The following MAPT variants were observed in gnomAD, a reference collection of about 807,000 sequenced individuals.
The protein encoded by MAPT is microtubule associated protein tau, also known as microtubule-associated protein tau.
A neutral mutation model predicts 67.9 loss-of-function variants in MAPT; 34 were observed. The observed-to-expected ratio is 0.50, with a 90% confidence interval of 0.38 to 0.67. The LOEUF (loss-of-function observed/expected upper bound fraction) is 0.67. Ranked by LOEUF, MAPT falls within the 30% of genes least tolerant of loss-of-function variation. The probability of loss-of-function intolerance (pLI) is 0.00; values close to 1 mark genes in which losing one functional copy is unlikely to be tolerated. For synonymous variants in MAPT, 456 were observed against 464.5 expected (o/e 0.98, Z 0.23); for missense variants, 881 against 1,115.2 (o/e 0.79, Z 2.99).
rs553543831 is a variant in MAPT at position 45,901,272 on chromosome 17, C to T, written c.-18+6586C>T. On this transcript the variant is annotated intron_variant, in intron 1 of 12. Coordinates refer to ENST00000262410, the MANE Select transcript of MAPT (RefSeq NM_001377265.1). Reference sequence around the variant, plus strand: ...ACCAGCCCAAACTGACCTGCCTTCCCGCCAGCCATCCCGGGCAGGGTGACC... The same window carrying T: ...ACCAGCCCAAACTGACCTGCCTTCCTGCCAGCCATCCCGGGCAGGGTGACC... 7.9e-5 allele frequency among the ~76,000 whole-genome samples: 12 copies of T among 152,312 alleles called. No individual in the cohort carries two copies. The South Asian group carries it at 1.0e-3, about 13-fold the overall frequency.
chr17:45,912,338 T>G (rs1272176876), intron 1 of MAPT, among the ~76,000 whole-genome samples: 4 of 152,222 alleles, frequency 2.6e-5, no homozygotes, highest in Admixed American at 2.6e-4. Context: ...GTGGTTAAAT[T>G]AAGGATTTTG....
At chr17:45,927,789 A>G (rs2066483675) in intron 1 of MAPT, among the ~76,000 whole-genome samples, 2 of 152,024 alleles carry the variant, frequency 1.3e-5, no homozygotes, top group Admixed American at 6.6e-5. Context: ...TCACAAGGTC[A>G]GGAGATCGAG....
intron 1 of MAPT, among the ~76,000 whole-genome samples, chr17:45,923,374 G>T (rs1294094800): frequency 6.6e-6 from 1 of 152,178 alleles, no homozygotes; most frequent in Non-Finnish European, 1.5e-5. Flanking sequence ...GGCTCCCAGA[G>T]GATCCCATAG....
intron 3 of MAPT, chr17:45,974,206 T>G: frequency 1.6e-6 from 1 of 637,734 alleles, no homozygotes; most frequent in East Asian, 2.7e-5. Flanking sequence ...AGCATGTCAG[T>G]GTGCTTCCTG....
At chr17:45,910,656 GC>G (rs2064710601) in intron 1 of MAPT, 1 of 142,388 alleles carries the variant, frequency 7.0e-6, no homozygotes, top group South Asian at 2.2e-4. Flanking sequence ...TCAACAGATG[GC>G]TTTTTCCTTA....
At chr17:45,974,239 G>C in intron 3 of MAPT, 1 of 686,346 alleles carries the variant, frequency 1.5e-6, no homozygotes, top group Non-Finnish European at 2.6e-6. Context: ...CAGGGGCTCC[G>C]GGCCCTACTT....
In MAPT at chr17:45,966,143, G is replaced by A. The variant is rs2071055380; in HGVS notation, c.133+3673G>A. 2.6e-5 allele frequency among the ~76,000 whole-genome samples: 4 copies of A among 152,328 alleles called. No individual in the cohort carries two copies. In the South Asian group the frequency reaches 8.3e-4, roughly 32 times the overall value. On this transcript the variant is annotated intron_variant, in intron 2 of 12. Transcript: ENST00000262410. The stretch of plus-strand genomic sequence containing the variant: ...GGCAGGGCAGCCTGGCTTAGAGTCA[G>A]TTTAAAATATGTATTATGCTGCAAC...
At chr17:45,941,106 G>A (rs1351327602) in intron 1 of MAPT, among the ~76,000 whole-genome samples, 1 of 152,188 alleles carries the variant, frequency 6.6e-6, no homozygotes, top group African/African-American at 2.4e-5. Context: ...AGAGGCTGAG[G>A]CCTGACCAAA....
Position 46,024,244 on chromosome 17 carries a change from C to T in MAPT, c.*73C>T. ...AGTGTGGAAAAAAAAAGAATAATGA[C>T]CCGGCCCCCGCCCTCTGCCCCCAGC... On this transcript the variant is annotated 3_prime_UTR_variant, in exon 13 of 13. Transcript: ENST00000262410. The T allele has an allele frequency of 7.4e-7, 1 of 1,346,174 alleles. No individual in the cohort carries two copies. Among genetic ancestry groups the T allele is most frequent in the South Asian group, 1.2e-5 (1 of 84,194 alleles). The allele number at this position is 1,346,174 out of a possible 1,614,324, so 83.4% of individuals were successfully genotyped here. A position where few individuals can be genotyped will look rare whatever the true frequency, so the allele number is the denominator to read the frequency against.
chr17:45,935,260 T>G (rs894580916), intron 1 of MAPT, among the ~76,000 whole-genome samples: 2 of 152,040 alleles, frequency 1.3e-5, no homozygotes, highest in Non-Finnish European at 1.5e-5. Context: ...CCACCCCAAC[T>G]GCTCTCTTCC....
intron 4 of MAPT, 31 bp downstream of exon 4, chr17:45,978,471 TG>T: frequency 1.0e-6 from 1 of 955,814 alleles, no homozygotes; most frequent in African/African-American, 1.7e-5. Context: ...TGCCATGACT[TG>T]GGGGTTGGGG....
intron 1 of MAPT, among the ~76,000 whole-genome samples, chr17:45,949,784 A>G (rs1057151926): frequency 1.6e-4 from 25 of 152,120 alleles, no homozygotes; most frequent in African/African-American, 6.0e-4. Flanking sequence ...ACCAAACTGT[A>G]CTGCCTTGAG....
At chr17:45,970,509 T>C (rs1014492266) in intron 2 of MAPT, among the ~76,000 whole-genome samples, 1 of 152,250 alleles carries the variant, frequency 6.6e-6, no homozygotes, top group Non-Finnish European at 1.5e-5. Context: ...AGCCCAGGGC[T>C]GCCCCCATAA....
In MAPT at chr17:46,009,459, G is replaced by A. The variant is rs765544579; in HGVS notation, c.1999-851G>A. Among the ~76,000 whole-genome samples the A allele has an allele frequency of 1.4e-4, 17 of 123,536 alleles. 4 individuals are homozygous for A. Among genetic ancestry groups the A allele is most frequent in the Middle Eastern group, 9.0e-3 (2 of 222 alleles). The allele number at this position is 123,536 out of a possible 152,430, so 81.0% of individuals were successfully genotyped here. ...GAAAGAACCTTCCAGAAATGCAGTC[G>A]TGGGAGACCCATCCAGGCCACCCCT... On this transcript the variant is annotated intron_variant, in intron 9 of 12. Coordinates refer to ENST00000262410, the MANE Select transcript of MAPT (RefSeq NM_001377265.1).
At chr17:45,907,290 T>G (rs2064384399) in intron 1 of MAPT, among the ~76,000 whole-genome samples, 1 of 152,084 alleles carries the variant, frequency 6.6e-6, no homozygotes, top group Non-Finnish European at 1.5e-5. Flanking sequence ...TGACCTGACC[T>G]TCCTCAGTGT....
Position 46,010,419 on chromosome 17 carries a change from G to T in MAPT, c.2091+17G>T, listed in dbSNP as rs762590440. On this transcript the variant is annotated intron_variant, in intron 10 of 12. Transcript: ENST00000262410. This position sits in a 1 kb window ranked among gnomAD's most constrained non-coding sequence, Gnocchi z 4.7. ...GGCGGCAGTGTGAGTACCTTCACACGTCCCATGCGCCGTGCTGTGGCTTGA... is the reference window on the plus strand; with the variant it reads ...GGCGGCAGTGTGAGTACCTTCACACTTCCCATGCGCCGTGCTGTGGCTTGA... The T allele has an allele frequency of 1.3e-6, 2 of 1,514,540 alleles. No individual in the cohort carries two copies. Among genetic ancestry groups the T allele is most frequent in the South Asian group, 2.4e-5 (2 of 83,756 alleles). 93.8% of individuals were successfully genotyped at this position (1,514,540 alleles called of 1,614,324 possible).
intron 8 of MAPT, among the ~76,000 whole-genome samples, chr17:45,994,675 T>A (rs55886080): frequency 0.14 from 21,995 of 151,858 alleles, 2,117 homozygotes; most frequent in Non-Finnish European, 0.22. Flanking sequence ...ACATTATTTT[T>A]AAAAAAGACA....
chr17:46,019,615 C>T (rs534443989), intron 12 of MAPT, among the ~76,000 whole-genome samples: 1 of 151,974 alleles, frequency 6.6e-6, no homozygotes, highest in African/African-American at 2.4e-5. Context: ...GCAATATGCC[C>T]ACCTCGGCCT....
chr17:45,944,796 C>T (rs1485552481), intron 1 of MAPT, among the ~76,000 whole-genome samples: 2 of 152,098 alleles, frequency 1.3e-5, no homozygotes, highest in Admixed American at 6.5e-5. Context: ...TCGCAGCACC[C>T]GGAGGTGCTG....
Sources: gnomAD v4.1 joint callset for allele counts (sites outside exome capture counted in the v4.1 genomes callset) on GRCh38, gnomAD v4.1.1 for gene constraint, Gnocchi (gnomAD v3.1) non-coding constraint, MANE v1.5 for transcripts, NCBI Gene and HGNC (gene_info 2026-07-23, HGNC 2026-07-21) for gene names.